Variants in ZKSCAN7 observed in about 807,000 individuals in gnomAD.
ZKSCAN7 encodes zinc finger protein with KRAB and SCAN domains 7.
ZKSCAN7 carries 38 observed loss-of-function variants against 65.3 expected under a neutral mutation model. That is an observed-to-expected ratio of 0.58 (90% CI 0.45 to 0.76). The LOEUF is 0.76. Ranked by LOEUF, ZKSCAN7 falls within the 30% of genes least tolerant of loss-of-function variation. The pLI is 0.00. For synonymous variants in ZKSCAN7, 321 were observed against 321.0 expected (o/e 1.00, Z 0.00); for missense variants, 815 against 913.3 (o/e 0.89, Z 1.39).
intron 2 of ZKSCAN7, among the ~76,000 whole-genome samples, chr3:44,563,593 A>C (rs181711905): frequency 2.0e-5 from 3 of 152,086 alleles, no homozygotes; most frequent in African/African-American, 7.3e-5. Context: ...ACTTTTAAAC[A>C]ATCAGATTTC....
chr3:44,581,336 G>A (rs945606721), intron 5 of ZKSCAN7, among the ~76,000 whole-genome samples: 25 of 151,130 alleles, frequency 1.7e-4, no homozygotes, highest in African/African-American at 6.1e-4. Context: ...GTCCCGGCTC[G>A]TCCGCGCCGC....
downstream of ZKSCAN7, among the ~76,000 whole-genome samples, chr3:44,572,368 G>GTGTGTT (rs1553621745): frequency 6.6e-6 from 1 of 151,048 alleles, no homozygotes; most frequent in Non-Finnish European, 1.5e-5. Context: ...GTGTGTGTGT[G>GTGTGTT]TGTGTGTGTG....
At chr3:44,562,779 G>A (rs566738955) in intron 2 of ZKSCAN7, among the ~76,000 whole-genome samples, 34 of 152,204 alleles carry the variant, frequency 2.2e-4, no homozygotes, top group African/African-American at 7.0e-4. Context: ...TCAGGAGATC[G>A]AGACCACGGT....
At position 44,569,917 on chromosome 3, in the gene ZKSCAN7, G is replaced by GGCA; in HGVS notation, c.812_814dup. The GGCA allele has an allele frequency of 2.0e-6, 3 of 1,515,498 alleles. No homozygotes were observed. Among genetic ancestry groups the GGCA allele is most frequent in the Non-Finnish European group, 2.6e-6 (3 of 1,134,896 alleles). 93.9% of individuals were successfully genotyped at this position (1,515,498 alleles called of 1,614,324 possible). ...TAAAAGTTGTTGTCTTCTTTCTTTG[G>GGCA]GCAGCAGGTGAGAACATGATGAAGG... On this transcript the variant is annotated splice_region_variant and splice_polypyrimidine_tract_variant and intron_variant, in intron 5 of 5. Transcript: ENST00000426540.
chr3:44,565,753 C>T (rs1183668083), intron 3 of ZKSCAN7, 98 bp downstream of exon 3: 2 of 1,243,188 alleles, frequency 1.6e-6, no homozygotes, highest in East Asian at 2.7e-5. Flanking sequence ...CATGGAATCC[C>T]TCATTGCTCT....
At chr3:44,580,308 C>T in intron 5 of ZKSCAN7, 2 of 1,613,872 alleles carry the variant, frequency 1.2e-6, no homozygotes, top group South Asian at 1.1e-5. Context: ...CTCTTCTTTG[C>T]TCTCCAGCCC....
intron 5 of ZKSCAN7, among the ~76,000 whole-genome samples, chr3:44,581,907 C>T (rs1700093987): frequency 6.6e-6 from 1 of 152,250 alleles, no homozygotes; most frequent in African/African-American, 2.4e-5. Context: ...GGAGACAGTT[C>T]TGTCAAGATG....
rs11551191 is a variant in ZKSCAN7 at position 44,580,609 on chromosome 3, C to T, written c.812-2363C>T. The T allele has an allele frequency of 2.0e-5, 32 of 1,613,794 alleles. No homozygotes were observed. In the African/African-American group the frequency reaches 4.1e-4, roughly 21 times the overall value. On this transcript the variant is annotated intron_variant, in intron 5 of 5. Transcript: ENST00000341840. ...TAGACCATGAGCATCTCCAGCCACC[C>T]ACTGACGATCTCCTTGGTCTCCGCC...
rs1228637058 is a variant in ZKSCAN7, at chr3:44,568,359, A to G, written c.737A>G (p.Lys246Arg). 1.2e-6 allele frequency: 2 copies of G among 1,614,060 alleles called. No homozygotes were observed. Among genetic ancestry groups the G allele is most frequent in the Non-Finnish European group, 1.7e-6 (2 of 1,180,032 alleles). ...GTAGACTACACTCAGAAGAAATGGAAAAGTCTCACACTCAGTCAGAGAGCC... is the reference window on the plus strand; with the variant it reads ...GTAGACTACACTCAGAAGAAATGGAGAAGTCTCACACTCAGTCAGAGAGCC... The part of the protein sequence containing the change: ...LSVDYTQKKW[K>R]SLTLSQRALQ... Residue 246 changes from lysine (K) to arginine (R), a missense_variant, in exon 5 of 6, where the codon AAA becomes AGA. Physicochemically the swap from Lys to Arg is conservative, Grantham distance 26 (BLOSUM62 2). Around this residue, in one of 3 missense-constraint regions of ZKSCAN7, gnomAD observed 578 missense variants for 629.5 expected, o/e 0.92. Coordinates refer to ENST00000426540, the MANE Select transcript of ZKSCAN7 (RefSeq NM_001288590.2).
chr3:44,578,315 C>T (rs537680726), intron 5 of ZKSCAN7: 58 of 1,592,828 alleles, frequency 3.6e-5, no homozygotes, highest in Admixed American at 5.0e-5. Flanking sequence ...TTCCTATATC[C>T]GCAATAAGAC....
chr3:44,568,876 T>C (rs1699712991), intron 5 of ZKSCAN7, among the ~76,000 whole-genome samples: 1 of 152,222 alleles, frequency 6.6e-6, no homozygotes, highest in South Asian at 2.1e-4. Flanking sequence ...CTGTTTTCTC[T>C]CTGCTTGTCC....
intron 2 of ZKSCAN7, among the ~76,000 whole-genome samples, chr3:44,560,060 A>G (rs190051347): frequency 7.9e-5 from 12 of 152,324 alleles, no homozygotes; most frequent in Admixed American, 3.3e-4. Context: ...TTAGTGCTTT[A>G]TCCAGCTAGC....
At position 44,557,140 on chromosome 3, in the gene ZKSCAN7, A is replaced by G. The variant is rs1225310573; in HGVS notation, c.93A>G (p.Pro31=). 3.1e-6 allele frequency: 5 copies of G among 1,614,270 alleles called. No individual in the cohort carries two copies. Among genetic ancestry groups the G allele is most frequent in the Non-Finnish European group, 4.2e-6 (5 of 1,180,052 alleles). The change falls in exon 2 of 6, where the codon CCA becomes CCG. Residue 31 remains proline, a synonymous_variant. Coordinates refer to ENST00000426540, the MANE Select transcript of ZKSCAN7 (RefSeq NM_001288590.2). ...GGCGCCTGACTGTGAAGCAGGAGCC[A>G]GCAAACCAGACCTGGGGGCAGGGCA... ...QEGRLTVKQE[P]ANQTWGQGSS... is the part of the protein sequence containing the mutation.
At chr3:44,566,075 T>A (rs908693179) in intron 3 of ZKSCAN7, among the ~76,000 whole-genome samples, 1 of 152,066 alleles carries the variant, frequency 6.6e-6, no homozygotes, top group African/African-American at 2.4e-5. Flanking sequence ...AAAAGCAAGA[T>A]CATTGTGGGC....
intron 2 of ZKSCAN7, among the ~76,000 whole-genome samples, chr3:44,560,500 C>T (rs1699436390): frequency 8.0e-6 from 1 of 125,364 alleles, no homozygotes; most frequent in Admixed American, 1.0e-4. Context: ...CTTTTGTTTC[C>T]TGTATCTTTT....
chr3:44,580,799 A>G, intron 5 of ZKSCAN7: 1 of 1,612,878 alleles, frequency 6.2e-7, no homozygotes, highest in South Asian at 1.1e-5. Context: ...CATGCTCGTA[A>G]AGGATGAAGA....
intron 5 of ZKSCAN7, chr3:44,580,432 T>C: frequency 6.2e-7 from 1 of 1,600,450 alleles, no homozygotes; most frequent in Admixed American, 1.7e-5. Context: ...TGCCAGAGTG[T>C]GGACTTGGTG....
At position 44,557,286 on chromosome 3, in the gene ZKSCAN7, G is replaced by A. The variant is rs370899432; in HGVS notation, c.239G>A (p.Arg80His). ...TTGAGCCGGCTTCGGGAGCTCTGCC[G>A]CTGGTGGCTCATGCCAGAGGTGCAC... is the stretch of plus-strand genomic sequence containing the variant. ...EALSRLRELCRWWLMPEVHTK... is the reference protein window; with the variant it reads ...EALSRLRELCHWWLMPEVHTK... Residue 80 changes from arginine (R) to histidine (H), a missense_variant, in exon 2 of 6, where the codon CGC becomes CAC. Around this residue, in one of 3 missense-constraint regions of ZKSCAN7, gnomAD observed 227 missense variants for 253.3 expected, o/e 0.90. Transcript: ENST00000426540. The A allele has an allele frequency of 2.2e-5, 35 of 1,614,158 alleles. No homozygotes were observed. The East Asian group carries it at 2.9e-4, about 13-fold the overall frequency.
At chr3:44,577,914 C>G (rs1699956572) in intron 5 of ZKSCAN7, among the ~76,000 whole-genome samples, 1 of 152,180 alleles carries the variant, frequency 6.6e-6, no homozygotes, top group African/African-American at 2.4e-5. Flanking sequence ...TTGGATGGGA[C>G]ACACCTAGTC....
Sources: allele counts gnomAD v4.1 joint callset (sites outside exome capture counted in the v4.1 genomes callset), GRCh38; gene constraint gnomAD v4.1.1; regional missense constraint gnomAD v4.1.1; transcripts MANE v1.5; gene names NCBI Gene and HGNC (gene_info 2026-07-23, HGNC 2026-07-21).